ADGRL2: variants seen among roughly 807,000 people sequenced by gnomAD.
ADGRL2 encodes adhesion G protein-coupled receptor L2, also known as calcium-independent alpha-latrotoxin receptor 2.
In ADGRL2, 44 loss-of-function variants were observed where a neutral mutation model predicts 157.4. That is an observed-to-expected ratio of 0.28 (90% CI 0.22 to 0.36). The LOEUF (loss-of-function observed/expected upper bound fraction) is 0.36, where lower values mean the gene tolerates loss of function less well. Among genes scored for constraint, ADGRL2 ranks in the 10% least tolerant of loss-of-function variants. The probability of loss-of-function intolerance (pLI) is 1.00; values close to 1 mark genes in which losing one functional copy is unlikely to be tolerated. For missense variants in ADGRL2, 1,510 were observed against 1,768.9 expected, an observed-to-expected ratio of 0.85 and a Z score of 2.63; for synonymous variants, 585 against 624.7, an observed-to-expected ratio of 0.94 and a Z score of 0.95.
chr1:81,794,354 A>G (rs930534488), intron 2 of ADGRL2, among the ~76,000 whole-genome samples: 1 of 152,186 alleles, frequency 6.6e-6, no homozygotes, highest in African/African-American at 2.4e-5. Flanking sequence ...TATTGTAGAT[A>G]GGTGATTTTG....
chr1:81,800,423 A>G (rs915207098), upstream of ADGRL2: 9 of 152,020 alleles, frequency 5.9e-5, no homozygotes, highest in East Asian at 5.8e-4. Flanking sequence ...TTTCTCCTCC[A>G]TGCAGTTACA....
In ADGRL2 at chr1:81,970,352, C is replaced by T. The variant is rs768158713; in HGVS notation, c.2772C>T (p.Phe924=). Residue 924 remains phenylalanine (F), a synonymous_variant, in exon 16 of 24, where the codon TTC becomes TTT. Transcript: ENST00000686636. The part of the protein sequence containing the change: ...CPIFAGLLHF[F]FLAAFAWMCL... ...TATTTGCAGGACTTCTACACTTTTT[C>T]TTTTTGGCAGCTTTTGCTTGGATGT... The T allele has an allele frequency of 6.3e-7, 1 of 1,598,876 alleles. No individual in the cohort carries two copies. The highest frequency in any genetic ancestry group is 1.1e-5 in the South Asian group (1 of 87,762).
At chr1:81,660,545 C>T (rs963774188) in intron 3 of ADGRL2, among the ~76,000 whole-genome samples, 2 of 152,164 alleles carry the variant, frequency 1.3e-5, no homozygotes, top group Admixed American at 6.5e-5. Context: ...AATCTCCAAA[C>T]CAGTTCTCCC....
intron 1 of ADGRL2, among the ~76,000 whole-genome samples, chr1:81,807,798 G>A (rs1050104424): frequency 1.3e-5 from 2 of 151,754 alleles, no homozygotes; most frequent in African/African-American, 4.8e-5. Context: ...TTTTGTGTGT[G>A]TGTGTGAGTC....
chr1:81,632,911 G>C (rs1295633243), intron 3 of ADGRL2, among the ~76,000 whole-genome samples: 1 of 152,112 alleles, frequency 6.6e-6, no homozygotes, highest in African/African-American at 2.4e-5. Flanking sequence ...AGGGATTTGA[G>C]CAAGGGATTT....
chr1:81,433,058 A>C (rs1333649962), intron 1 of ADGRL2, among the ~76,000 whole-genome samples: 1 of 152,258 alleles, frequency 6.6e-6, no homozygotes, highest in African/African-American at 2.4e-5. Flanking sequence ...GTTTAATGCT[A>C]TCAGGCTACA....
intron 3 of ADGRL2, among the ~76,000 whole-genome samples, chr1:81,654,209 G>A (rs988801023): frequency 6.6e-6 from 1 of 152,098 alleles, no homozygotes; most frequent in Non-Finnish European, 1.5e-5. Context: ...GCCTCCCAAC[G>A]TGTTAGAATT....
At chr1:81,528,626 A>G (rs12217041) in intron 2 of ADGRL2, among the ~76,000 whole-genome samples, 93,787 of 145,344 alleles carry the variant, frequency 0.65, 30,692 homozygotes, top group East Asian at 0.68. Flanking sequence ...CGGCCTGGGC[A>G]AAAAAGTGAG....
At chr1:81,333,436 G>C (rs1359886954) in intron 1 of ADGRL2, among the ~76,000 whole-genome samples, 1 of 150,838 alleles carries the variant, frequency 6.6e-6, no homozygotes, top group Non-Finnish European at 1.5e-5. Flanking sequence ...TATTTTTTGA[G>C]ACGGAGTCTC....
At chr1:81,908,126 G>A (rs960082444) in intron 3 of ADGRL2, among the ~76,000 whole-genome samples, 8 of 152,086 alleles carry the variant, frequency 5.3e-5, no homozygotes, top group South Asian at 4.1e-4. Flanking sequence ...TCAGGTTGTC[G>A]CCTAGGAGCA....
At chr1:81,824,981 C>CTCTT (rs2091332789) in intron 1 of ADGRL2, among the ~76,000 whole-genome samples, 1 of 151,082 alleles carries the variant, frequency 6.6e-6, no homozygotes, top group African/African-American at 2.4e-5. Flanking sequence ...CTCTCTCTCT[C>CTCTT]TGTCTTTCAG....
At chr1:81,655,057 C>T (rs898308969) in intron 3 of ADGRL2, among the ~76,000 whole-genome samples, 1 of 152,148 alleles carries the variant, frequency 6.6e-6, no homozygotes, top group Non-Finnish European at 1.5e-5. Context: ...CAAGCCTCGC[C>T]CCCCTGCGAT....
At chr1:81,915,697 G>A (rs1021216556) in intron 3 of ADGRL2, among the ~76,000 whole-genome samples, 1 of 152,106 alleles carries the variant, frequency 6.6e-6, no homozygotes, top group South Asian at 2.1e-4. Context: ...GTTTTTGAAA[G>A]CAAAGCCATA....
chr1:81,324,436 G>A (rs2100649595), intron 1 of ADGRL2, among the ~76,000 whole-genome samples: 1 of 151,148 alleles, frequency 6.6e-6, no homozygotes, highest in South Asian at 2.1e-4. Flanking sequence ...TTGAGCCCGA[G>A]AAGTCGAGGC....
chr1:81,395,967 A>G (rs1213379632), intron 1 of ADGRL2, among the ~76,000 whole-genome samples: 1 of 152,096 alleles, frequency 6.6e-6, no homozygotes, highest in South Asian at 2.1e-4. Context: ...AGATAGTGTG[A>G]TGGTTCTGGC....
chr1:81,423,706 G>A (rs1254420165), intron 1 of ADGRL2, among the ~76,000 whole-genome samples: 1 of 152,134 alleles, frequency 6.6e-6, no homozygotes, highest in Non-Finnish European at 1.5e-5. Flanking sequence ...GAAGATAGAA[G>A]CTTCAGTGTT....
At chr1:81,353,778 C>T (rs564439262) in intron 1 of ADGRL2, among the ~76,000 whole-genome samples, 3 of 152,216 alleles carry the variant, frequency 2.0e-5, no homozygotes, top group East Asian at 3.9e-4. Flanking sequence ...ATAGTGTGAA[C>T]GTGTCAAGGA....
intron 2 of ADGRL2, among the ~76,000 whole-genome samples, chr1:81,874,676 T>TGC (rs1236182163): frequency 6.6e-6 from 1 of 151,796 alleles, no homozygotes; most frequent in Non-Finnish European, 1.5e-5. Flanking sequence ...TGTCCTGTCA[T>TGC]GTCTTGCCTC....
chr1:81,635,541 G>C (rs945556181), intron 3 of ADGRL2, among the ~76,000 whole-genome samples: 1 of 152,134 alleles, frequency 6.6e-6, no homozygotes, highest in African/African-American at 2.4e-5. Flanking sequence ...AAGGGTCAAC[G>C]TGCAGACAGA....
Sources: gnomAD v4.1 joint callset for allele counts (sites outside exome capture counted in the v4.1 genomes callset) on GRCh38, gnomAD v4.1.1 for gene constraint, MANE v1.5 for transcripts, NCBI Gene and HGNC (gene_info 2026-07-23, HGNC 2026-07-21) for gene names.